Variants in PTPN14 observed in about 807,000 individuals in gnomAD.
PTPN14 encodes the protein tyrosine-protein phosphatase non-receptor type 14.
Under a neutral mutation model 126.8 loss-of-function variants are expected in PTPN14, and 53 were observed. The observed-to-expected ratio is 0.42, with a 90% CI of 0.34 to 0.53. The LOEUF (loss-of-function observed/expected upper bound fraction) is 0.53, where lower values mean the gene tolerates loss of function less well. PTPN14 is among the 20% of genes least tolerant of loss of function. The pLI, the probability that PTPN14 is intolerant of heterozygous loss-of-function variation, is 0.08. For synonymous variants in PTPN14, 630 were observed against 599.3 expected (o/e 1.05, Z -0.75); for missense variants, 1,257 against 1,552.9 (o/e 0.81, Z 3.20).
chr1:214,543,195 C>T (rs988967253), intron 1 of PTPN14, among the ~76,000 whole-genome samples: 15 of 152,140 alleles, frequency 9.9e-5, no homozygotes, highest in Non-Finnish European at 1.8e-4. Flanking sequence ...AGGACGGAAA[C>T]TAAGCATATT....
intron 1 of PTPN14, among the ~76,000 whole-genome samples, chr1:214,522,626 T>C (rs7553507): frequency 0.05 from 7,536 of 152,212 alleles, 586 homozygotes; most frequent in African/African-American, 0.17. Context: ...TAACATTCAT[T>C]GAGCCTACAC....
intron 10 of PTPN14, among the ~76,000 whole-genome samples, chr1:214,393,275 C>T (rs1256059676): frequency 3.3e-5 from 5 of 152,142 alleles, no homozygotes; most frequent in Admixed American, 2.0e-4. Flanking sequence ...ACTGTGTAAG[C>T]GACACGGGGC....
chr1:214,524,240 G>A (rs1282164752), intron 1 of PTPN14, among the ~76,000 whole-genome samples: 1 of 152,086 alleles, frequency 6.6e-6, no homozygotes, highest in Non-Finnish European at 1.5e-5. Flanking sequence ...TCGTTCTATA[G>A]AACGATTTTC....
At position 214,461,554 on chromosome 1, in the gene PTPN14, C is replaced by T. The variant is rs951403397; in HGVS notation, c.174+3076G>A. Among the ~76,000 whole-genome samples the T allele has an allele frequency of 2.0e-5, 3 of 151,982 alleles. No individual in the cohort carries two copies. The East Asian group carries it at 5.8e-4, about 29-fold the overall frequency. ...AGGCTGAGGTGGGATCACTTGAGCT[C>T]AGGAGGTTGAGGCTGTAGTGAGTCA... On this transcript the variant is annotated intron_variant, in intron 2 of 18. Coordinates refer to ENST00000366956, the MANE Select transcript of PTPN14 (RefSeq NM_005401.5).
At chr1:214,407,838 A>AG (rs1419696019) in intron 5 of PTPN14, among the ~76,000 whole-genome samples, 1 of 152,208 alleles carries the variant, frequency 6.6e-6, no homozygotes, top group Non-Finnish European at 1.5e-5. Flanking sequence ...GCTTGAATCC[A>AG]GCAGTTCTCA....
chr1:214,376,140 C>G, intron 15 of PTPN14, 79 bp downstream of exon 15: 1 of 1,329,612 alleles, frequency 7.5e-7, no homozygotes. Flanking sequence ...AACTGCAGCC[C>G]ACACATTTTC....
chr1:214,392,412 C>T (rs978992740), intron 10 of PTPN14, among the ~76,000 whole-genome samples: 1 of 152,040 alleles, frequency 6.6e-6, no homozygotes, highest in South Asian at 2.1e-4. Context: ...ATAAACACTC[C>T]GTAAATTTTA....
At chr1:214,369,723 AG>A in intron 16 of PTPN14, 32 bp from the exon 17 acceptor site, 1 of 1,571,886 alleles carries the variant, frequency 6.4e-7, no homozygotes, top group South Asian at 1.1e-5. Flanking sequence ...AATTGGAAAT[AG>A]GTCAAGGGAA....
chr1:214,522,226 T>G (rs1433071605), intron 1 of PTPN14, among the ~76,000 whole-genome samples: 1 of 152,070 alleles, frequency 6.6e-6, no homozygotes, highest in African/African-American at 2.4e-5. Context: ...TGAGCCACTA[T>G]GTCCAGCCTG....
chr1:214,491,544 T>C (rs1661251983), intron 1 of PTPN14, among the ~76,000 whole-genome samples: 1 of 152,172 alleles, frequency 6.6e-6, no homozygotes, highest in Admixed American at 6.5e-5. Flanking sequence ...TGGCTTGAGC[T>C]GTTCACGATA....
chr1:214,509,709 T>C (rs771383224), intron 1 of PTPN14, among the ~76,000 whole-genome samples: 8 of 152,210 alleles, frequency 5.3e-5, no homozygotes, highest in Non-Finnish European at 7.3e-5. Flanking sequence ...TGCAGCACTA[T>C]TCACAATAGC....
At chr1:214,478,083 A>G (rs1320580323) in intron 1 of PTPN14, among the ~76,000 whole-genome samples, 1 of 152,244 alleles carries the variant, frequency 6.6e-6, no homozygotes, top group African/African-American at 2.4e-5. Context: ...CCTTTGCACT[A>G]TAATTAGCAC....
At chr1:214,373,358 C>T (rs1006125436) in intron 15 of PTPN14, among the ~76,000 whole-genome samples, 1 of 152,132 alleles carries the variant, frequency 6.6e-6, no homozygotes, top group African/African-American at 2.4e-5. Context: ...TTGGCCTTTA[C>T]CTGATCTTTG....
chr1:214,499,571 C>A (rs1319573340), intron 1 of PTPN14, among the ~76,000 whole-genome samples: 2 of 152,138 alleles, frequency 1.3e-5, no homozygotes, highest in Admixed American at 6.5e-5. Context: ...GCCATTCAAA[C>A]AAAAACAAAC....
intron 1 of PTPN14, among the ~76,000 whole-genome samples, chr1:214,468,609 G>A (rs893458994): frequency 1.3e-5 from 2 of 152,006 alleles, no homozygotes; most frequent in East Asian, 3.9e-4. Flanking sequence ...ACACACATAA[G>A]CACATCTATA....
intron 1 of PTPN14, among the ~76,000 whole-genome samples, chr1:214,512,535 CA>C (rs1655003643): frequency 2.0e-5 from 3 of 152,134 alleles, no homozygotes; most frequent in Non-Finnish European, 2.9e-5. Context: ...TGGGGGTTAC[CA>C]GGGGCTGAGG....
chr1:214,447,263 G>A (rs1448690521), intron 3 of PTPN14, among the ~76,000 whole-genome samples: 1 of 152,110 alleles, frequency 6.6e-6, no homozygotes, highest in African/African-American at 2.4e-5. Context: ...TCAATATTCA[G>A]TTCGGACCTC....
rs1392694343 is a variant in PTPN14 at position 214,489,478 on chromosome 1, TC to T, written c.-154-24522del. ...ATTATTGCTTCTGAGAGGCCACACT[TC>T]CCAATTTTCATCCAGTCAACTCCTA... On this transcript the variant is annotated intron_variant, in intron 1 of 18. Coordinates refer to ENST00000366956, the MANE Select transcript of PTPN14 (RefSeq NM_005401.5). Among the ~76,000 whole-genome samples, 8 of 152,262 alleles carry T rather than the reference TC, an allele frequency of 5.3e-5. No individual in the cohort carries two copies. The East Asian group carries it at 1.4e-3, about 26-fold the overall frequency.
At chr1:214,506,247 G>A (rs1654840993) in intron 1 of PTPN14, among the ~76,000 whole-genome samples, 1 of 152,164 alleles carries the variant, frequency 6.6e-6, no homozygotes, top group South Asian at 2.1e-4. Context: ...CTCACACCCT[G>A]TAACCTCAAT....
Sources: allele counts gnomAD v4.1 joint callset (sites outside exome capture counted in the v4.1 genomes callset), GRCh38; gene constraint gnomAD v4.1.1; transcripts MANE v1.5; gene names NCBI Gene and HGNC (gene_info 2026-07-23, HGNC 2026-07-21).